The following GRN variants were observed in gnomAD, a reference collection of about 807,000 sequenced individuals.
GRN encodes the protein progranulin.
GRN carries 30 observed loss-of-function variants against 66.7 expected under a neutral mutation model. That is an observed-to-expected ratio of 0.45 (90% CI 0.34 to 0.61). GRN has a LOEUF of 0.61. GRN is among the 20% of genes least tolerant of loss of function. The probability of loss-of-function intolerance (pLI) is 0.01; values close to 1 mark genes in which losing one functional copy is unlikely to be tolerated. For synonymous variants in GRN, 327 were observed against 311.1 expected (o/e 1.05, Z -0.54); for missense variants, 731 against 803.5 (o/e 0.91, Z 1.09).
chr17:44,352,745 GC>G lies in GRN; in HGVS notation c.1733del (p.Pro578ArgfsTer7). 1 of 1,611,638 alleles carries G rather than the reference GC, an allele frequency of 6.2e-7. No individual in the cohort carries two copies. ...GGGTACCAAGTGTTTGCGCAGGGAG[GC>G]CCCGCGCTGGGACGCCCCTTTGAGG... ...ARGTKCLRRE[A>X]PRWDAPLRDP... On this transcript the variant is annotated frameshift_variant, in exon 13 of 13. Coordinates refer to ENST00000053867, the MANE Select transcript of GRN (RefSeq NM_002087.4). LOFTEE classifies it low-confidence loss of function (END_TRUNC).
Position 44,352,850 on chromosome 17 carries a change from C to T in GRN, c.*52C>T, listed in dbSNP as rs747897803. 6.3e-7 allele frequency: 1 copy of T among 1,575,974 alleles called. No homozygotes were observed. The highest frequency in any genetic ancestry group is 8.7e-7 in the Non-Finnish European group (1 of 1,155,672). On this transcript the variant is annotated 3_prime_UTR_variant, in exon 13 of 13. Coordinates refer to ENST00000053867, the MANE Select transcript of GRN (RefSeq NM_002087.4). Reference sequence around the variant, plus strand: ...CTCGGGACCCCACTCGGAGGGTGCCCTCTGCTCAGGCCTCCCTAGCACCTC... The same window carrying T: ...CTCGGGACCCCACTCGGAGGGTGCCTTCTGCTCAGGCCTCCCTAGCACCTC...
In GRN at chr17:44,349,458, G is replaced by C. The variant is rs752552167; in HGVS notation, c.171G>C (p.Leu57=). Residue 57 remains leucine (L), a synonymous_variant, in exon 3 of 13, where the codon CTG becomes CTC. Coordinates refer to ENST00000053867, the MANE Select transcript of GRN (RefSeq NM_002087.4). ...DKWPTTLSRH[L]GGPCQVDAHC... ...GGCCCACAACACTGAGCAGGCATCT[G>C]GGTGGCCCCTGCCAGGTTGATGCCC... is the stretch of plus-strand genomic sequence containing the variant. The C allele has an allele frequency of 1.2e-6, 2 of 1,614,166 alleles. No homozygotes were observed. The highest frequency in any genetic ancestry group is 8.5e-7 in the Non-Finnish European group (1 of 1,179,994).
chr17:44,352,151 C>T lies in GRN; in HGVS notation c.1316C>T (p.Pro439Leu), dbSNP rs149555221. 1 of 1,613,744 alleles carries T rather than the reference C, an allele frequency of 6.2e-7. No homozygotes were observed. ...MPARRASLSH[P>L]RDIGCDQHTS... Reference sequence around the variant, plus strand: ...GCCCGCCGGGCTTCCTTATCCCACCCCAGAGACATCGGCTGTGACCAGCAC... The same window carrying T: ...GCCCGCCGGGCTTCCTTATCCCACCTCAGAGACATCGGCTGTGACCAGCAC... The change falls in exon 11 of 13, where the codon CCC (proline) becomes CTC (leucine). Residue 439 changes from proline to leucine, a missense_variant. Coordinates refer to ENST00000053867, the MANE Select transcript of GRN (RefSeq NM_002087.4).
chr17:44,347,579 G>A (rs886898602), intron 1 of GRN, among the ~76,000 whole-genome samples: 7 of 151,770 alleles, frequency 4.6e-5, no homozygotes, highest in Admixed American at 3.9e-4. Flanking sequence ...TAGCCACCGC[G>A]CCCAATATAT....
rs63751177 is a variant in GRN at position 44,351,438 on chromosome 17, G to A, written c.911G>A (p.Trp304Ter). 1 of 1,613,620 alleles carries A rather than the reference G, an allele frequency of 6.2e-7. No individual in the cohort carries two copies. ...YTCCRLQSGA[W>*]GCCPFTQAVC... is the part of the protein sequence containing the mutation. The stretch of plus-strand genomic sequence containing the variant: ...TGCTGCCGTCTACAGTCGGGGGCCT[G>A]GGGCTGCTGCCCTTTTACCCAGGTA... Residue 304 changes from tryptophan to a stop codon, truncating the protein, a stop_gained, in exon 9 of 13, where the codon TGG (tryptophan) becomes TAG (stop). Transcript: ENST00000053867. LOFTEE classifies it high-confidence loss of function.
rs1180124944 is a variant in GRN, at chr17:44,349,189, G to A, written c.25G>A (p.Ala9Thr). MWTLVSWVALTAGLVAGTR... is the reference protein window; with the variant it reads MWTLVSWVTLTAGLVAGTR... Reference sequence around the variant, plus strand: ...CATGTGGACCCTGGTGAGCTGGGTGGCCTTAACAGCAGGGCTGGTGGCTGG... The same window carrying A: ...CATGTGGACCCTGGTGAGCTGGGTGACCTTAACAGCAGGGCTGGTGGCTGG... Residue 9 changes from alanine to threonine, a missense_variant, in exon 2 of 13, where the codon GCC (alanine) becomes ACC (threonine). Transcript: ENST00000053867. 6.2e-7 allele frequency: 1 copy of A among 1,613,998 alleles called. No homozygotes were observed. Among genetic ancestry groups the A allele is most frequent in the Non-Finnish European group, 8.5e-7 (1 of 1,180,002 alleles).
chr17:44,350,736 G>C lies in GRN; in HGVS notation c.644G>C (p.Cys215Ser), dbSNP rs1252923068. 1.9e-6 allele frequency: 3 copies of C among 1,614,106 alleles called. No individual in the cohort carries two copies. Among genetic ancestry groups the C allele is most frequent in the Non-Finnish European group, 2.5e-6 (3 of 1,179,980 alleles). The change falls in exon 7 of 13, where the codon TGC becomes TCC. Residue 215 changes from cysteine (C) to serine (S), a missense_variant. Around this residue, in one of 3 missense-constraint regions of GRN, gnomAD observed 370 missense variants for 379.8 expected, o/e 0.97. Coordinates refer to ENST00000053867, the MANE Select transcript of GRN (RefSeq NM_002087.4). ...ATGTGTCCGGACGCACGGTCCCGGT[G>C]CCCTGATGGTTCTACCTGCTGTGAG... is the stretch of plus-strand genomic sequence containing the variant. Reference protein sequence around the residue: ...SVMCPDARSRCPDGSTCCELP... With the variant: ...SVMCPDARSRSPDGSTCCELP...
rs951600415 is a variant in GRN, at chr17:44,349,848, C to T, written c.349+97C>T. 18 of 801,066 alleles carry T rather than the reference C, an allele frequency of 2.2e-5. No homozygotes were observed. In the East Asian group the frequency reaches 3.4e-4, roughly 15 times the overall value. The allele number at this position is 801,066 out of a possible 1,614,324, so 49.6% of individuals were successfully genotyped here. A position where few individuals can be genotyped will look rare whatever the true frequency, so the allele number is the denominator to read the frequency against. On this transcript the variant is annotated intron_variant, in intron 4 of 12. Coordinates refer to ENST00000053867, the MANE Select transcript of GRN (RefSeq NM_002087.4). ...GGCGGGGGCAGCCCTGATTCCTGCC[C>T]TTGTGCCCTCATTCATGTGGCATCT...
At chr17:44,346,903 G>T (rs2048330025) in intron 1 of GRN, among the ~76,000 whole-genome samples, 1 of 152,148 alleles carries the variant, frequency 6.6e-6, no homozygotes, top group African/African-American at 2.4e-5. Context: ...ATCACCTGAG[G>T]TCTGGAGTTT....
rs2048393557 is a variant in GRN at position 44,352,933 on chromosome 17, G to A, written c.*135G>A. 1 of 873,374 alleles carries A rather than the reference G, an allele frequency of 1.1e-6. No individual in the cohort carries two copies. Among genetic ancestry groups the A allele is most frequent in the African/African-American group, 1.7e-5 (1 of 60,526 alleles). 54.1% of individuals were successfully genotyped at this position (873,374 alleles called of 1,614,324 possible). A position where few individuals can be genotyped will look rare whatever the true frequency, so the allele number is the denominator to read the frequency against. ...GAGCTCCCCATCACCATGGGAGGTG[G>A]GGCCTCAATCTAAGGCCTTCCCTGT... On this transcript the variant is annotated 3_prime_UTR_variant, in exon 13 of 13. Transcript: ENST00000053867.
chr17:44,349,132 G>A, intron 1 of GRN, 26 bp from the exon 2 acceptor site: 1 of 1,613,410 alleles, frequency 6.2e-7, no homozygotes, highest in Non-Finnish European at 8.5e-7. Context: ...TTAAGCAGTT[G>A]CCAGACGTTC....
chr17:44,349,965 TG>T (rs1453168931), intron 4 of GRN: 4 of 637,464 alleles, frequency 6.3e-6, no homozygotes, highest in Admixed American at 4.7e-5. Context: ...CCAGGCGTTG[TG>T]GGGGTGGGGA....
intron 4 of GRN, 92 bp from the exon 5 acceptor site, chr17:44,350,136 C>T: frequency 1.1e-6 from 1 of 903,226 alleles, no homozygotes; most frequent in Non-Finnish European, 1.9e-6. Flanking sequence ...AGTAGCTGGG[C>T]TTGCAGGCCC....
chr17:44,352,471 G>C lies in GRN; in HGVS notation c.1544G>C (p.Gly515Ala), dbSNP rs25647. The change falls in exon 12 of 13, where the codon GGT becomes GCT. Residue 515 changes from glycine (G) to alanine (A), a missense_variant. By Grantham distance (60) the Gly-to-Ala change is moderately conservative. This residue lies in a region of GRN where 319 missense variants were observed against 347.2 expected (regional missense o/e 0.92). Transcript: ENST00000053867. Reference protein sequence around the residue: ...ATFLARSPHVGVKDVECGEGH... With the variant: ...ATFLARSPHVAVKDVECGEGH... ...TTCCTGGCCCGTAGCCCTCACGTGG[G>C]TGTGAAGGACGTGGAGTGTGGGGAA... 1.7e-3 allele frequency: 2,769 copies of C among 1,614,046 alleles called. 43 individuals carry two copies. The African/African-American group carries it at 0.028, about 16-fold the overall frequency.
Position 44,349,539 on chromosome 17 carries a change from C to T in GRN, c.252C>T (p.Cys84=), listed in dbSNP as rs1324306234. 3.7e-6 allele frequency: 6 copies of T among 1,614,196 alleles called. No homozygotes were observed. The highest frequency in any genetic ancestry group is 5.1e-6 in the Non-Finnish European group (6 of 1,180,038). Residue 84 remains cysteine, a synonymous_variant, in exon 3 of 13, where the codon TGC becomes TGT. Coordinates refer to ENST00000053867, the MANE Select transcript of GRN (RefSeq NM_002087.4). ...IFTVSGTSSC[C]PFPEAVACGD... is the part of the protein sequence containing the mutation. ...CCGTCTCAGGGACTTCCAGTTGCTG[C>T]CCCTTCCCAGAGGTGAGCGTGCCAT...
At chr17:44,351,521 G>A in intron 9 of GRN, 29 bp from the exon 10 acceptor site, 1 of 1,613,860 alleles carries the variant, frequency 6.2e-7, no homozygotes, top group South Asian at 1.1e-5. Context: ...GGGCCCCAGT[G>A]CCCACCTGCC....
At chr17:44,350,887 G>A in intron 7 of GRN, 87 bp downstream of exon 7, 2 of 1,395,996 alleles carry the variant, frequency 1.4e-6, no homozygotes, top group South Asian at 1.2e-5. Flanking sequence ...GTGGCATGGG[G>A]CTGGCTGGCT....
chr17:44,349,998 A>G (rs1230589960), intron 4 of GRN: 1 of 652,572 alleles, frequency 1.5e-6, no homozygotes, highest in East Asian at 2.7e-5. Context: ...GGGCCGGTCT[A>G]ATACCAACCC....
intron 1 of GRN, among the ~76,000 whole-genome samples, chr17:44,348,568 C>T (rs577534041): frequency 3.3e-5 from 5 of 152,314 alleles, no homozygotes; most frequent in African/African-American, 1.2e-4. Context: ...GGAAGGCAGC[C>T]CAGACTCCAC....
Sources: gnomAD v4.1 joint callset for allele counts (sites outside exome capture counted in the v4.1 genomes callset) on GRCh38, gnomAD v4.1.1 for gene constraint, gnomAD v4.1.1 regional missense constraint, MANE v1.5 for transcripts, NCBI Gene and HGNC (gene_info 2026-07-23, HGNC 2026-07-21) for gene names.